The following NAALADL2 variants were observed in gnomAD, a reference collection of about 807,000 sequenced individuals.
NAALADL2 encodes N-acetylated alpha-linked acidic dipeptidase like 2.
NAALADL2 carries 76 observed loss-of-function variants against 87.2 expected under a neutral mutation model. That is an observed-to-expected ratio of 0.87 (90% confidence interval 0.72 to 1.05). The LOEUF (loss-of-function observed/expected upper bound fraction) is 1.05, where lower values mean the gene tolerates loss of function less well. Among genes scored for constraint, NAALADL2 ranks in the 50% least tolerant of loss-of-function variants. The probability of loss-of-function intolerance (pLI) is 0.00; values close to 1 mark genes in which losing one functional copy is unlikely to be tolerated. For synonymous variants in NAALADL2, 354 were observed against 331.0 expected, an observed-to-expected ratio of 1.07 and a Z score of -0.75; for missense variants, 1,089 against 945.8, an observed-to-expected ratio of 1.15 and a Z score of -1.99.
At chr3:174,990,437 A>G (rs943414067) in intron 1 of NAALADL2, among the ~76,000 whole-genome samples, 3 of 152,298 alleles carry the variant, frequency 2.0e-5, no homozygotes, top group Non-Finnish European at 2.9e-5. Flanking sequence ...GGTTTTCTAA[A>G]TCAATTCAGA....
At position 174,757,143 on chromosome 3, in the gene NAALADL2, G is replaced by C. The variant is rs142307302; in HGVS notation, c.-9+19397G>C. Among the ~76,000 whole-genome samples, 487 of 152,296 alleles carry C rather than the reference G, an allele frequency of 3.2e-3. 2 individuals are homozygous for C. Among genetic ancestry groups the C allele is most frequent in the Non-Finnish European group, 5.7e-3 (391 of 68,016 alleles). ...TTGATGTTAATATTGTTGTTAGTTA[G>C]CATCAACTGCCTTTGCTAAGCAGAA... is the stretch of plus-strand genomic sequence containing the variant. On this transcript the variant is annotated intron_variant, in intron 3 of 3. Transcript: ENST00000434257.
chr3:174,726,255 G>A (rs1025213898), intron 2 of NAALADL2, among the ~76,000 whole-genome samples: 9 of 151,756 alleles, frequency 5.9e-5, no homozygotes, highest in African/African-American at 2.2e-4. Context: ...GCGCTATGAT[G>A]AAAAAACACA....
chr3:174,471,947 C>G (rs1716935355), intron 1 of NAALADL2, among the ~76,000 whole-genome samples: 1 of 152,036 alleles, frequency 6.6e-6, no homozygotes. Flanking sequence ...ATCAGTGCTT[C>G]CTTTTATATG....
intron 1 of NAALADL2, among the ~76,000 whole-genome samples, chr3:174,995,173 T>C (rs1282865784): frequency 6.6e-6 from 1 of 151,026 alleles, no homozygotes; most frequent in Non-Finnish European, 1.5e-5. Flanking sequence ...CTTGAGACTA[T>C]ATAATTTGGT....
intron 2 of NAALADL2, among the ~76,000 whole-genome samples, chr3:175,155,868 G>C (rs150926469): frequency 6.6e-6 from 1 of 152,012 alleles, no homozygotes; most frequent in African/African-American, 2.4e-5. Flanking sequence ...CCCACGTAAC[G>C]GTAATGTCCA....
intron 11 of NAALADL2, among the ~76,000 whole-genome samples, chr3:175,704,303 C>T (rs989914906): frequency 1.3e-5 from 2 of 152,096 alleles, no homozygotes; most frequent in Non-Finnish European, 1.5e-5. Flanking sequence ...TCAGTACAAA[C>T]GTGGAAAGCC....
intron 2 of NAALADL2, among the ~76,000 whole-genome samples, chr3:175,145,208 C>T (rs1197308869): frequency 2.0e-5 from 3 of 152,002 alleles, no homozygotes; most frequent in African/African-American, 7.2e-5. Flanking sequence ...TTTGATGACT[C>T]ACATGGATCA....
intron 4 of NAALADL2, among the ~76,000 whole-genome samples, chr3:175,316,750 G>T (rs1759192747): frequency 6.6e-6 from 1 of 152,048 alleles, no homozygotes; most frequent in Non-Finnish European, 1.5e-5. Context: ...TATTTTTTCT[G>T]AACATTTTAG....
intron 2 of NAALADL2, among the ~76,000 whole-genome samples, chr3:175,121,182 T>A (rs756574082): frequency 4.6e-5 from 7 of 151,902 alleles, no homozygotes; most frequent in Admixed American, 1.3e-4. Context: ...ACTTTATGCT[T>A]GTTTGAGGGT....
At chr3:175,323,130 C>T (rs1265509989) in intron 4 of NAALADL2, among the ~76,000 whole-genome samples, 234 of 147,214 alleles carry the variant, frequency 1.6e-3, no homozygotes, top group African/African-American at 5.6e-3. Context: ...AAATGTGGCA[C>T]ATATACACCA....
At chr3:175,604,463 C>G (rs1297483351) in intron 10 of NAALADL2, among the ~76,000 whole-genome samples, 2 of 149,956 alleles carry the variant, frequency 1.3e-5, no homozygotes, top group Non-Finnish European at 1.5e-5. Flanking sequence ...ACCACCACGC[C>G]TGGCTAATTT....
chr3:174,847,370 A>G (rs887019341), intron 3 of NAALADL2, among the ~76,000 whole-genome samples: 4 of 152,220 alleles, frequency 2.6e-5, no homozygotes, highest in African/African-American at 7.2e-5. Context: ...ATGATATTAT[A>G]AAATGCCTGG....
At chr3:175,314,828 G>T (rs6797062) in intron 4 of NAALADL2, among the ~76,000 whole-genome samples, 75,214 of 148,538 alleles carry the variant, frequency 0.51, 20,952 homozygotes, top group African/African-American at 0.74. Flanking sequence ...ACCATATACA[G>T]TATGTTTTTC....
chr3:175,557,191 C>T (rs1266389858), intron 9 of NAALADL2, among the ~76,000 whole-genome samples: 1 of 152,164 alleles, frequency 6.6e-6, no homozygotes, highest in Non-Finnish European at 1.5e-5. Flanking sequence ...AATACATGCT[C>T]ATTATGTTTC....
intron 2 of NAALADL2, among the ~76,000 whole-genome samples, chr3:174,576,379 TGA>T (rs1161467259): frequency 6.6e-6 from 1 of 152,186 alleles, no homozygotes; most frequent in Non-Finnish European, 1.5e-5. Flanking sequence ...TAAATCACTA[TGA>T]GGGGACTATA....
intron 10 of NAALADL2, among the ~76,000 whole-genome samples, chr3:175,584,163 G>GTAATCCC (rs1451129624): frequency 6.6e-6 from 1 of 151,662 alleles, no homozygotes; most frequent in African/African-American, 2.4e-5. Context: ...TCAGCCTCCT[G>GTAATCCC]AGTAACTGGG....
intron 3 of NAALADL2, among the ~76,000 whole-genome samples, chr3:174,777,708 A>G (rs1170566320): frequency 6.6e-6 from 1 of 152,112 alleles, no homozygotes; most frequent in African/African-American, 2.4e-5. Context: ...ATGACTTAAA[A>G]GAAATGAAAA....
chr3:175,257,006 C>T (rs534411262), intron 4 of NAALADL2: 2 of 152,026 alleles, frequency 1.3e-5, no homozygotes, highest in African/African-American at 4.8e-5. Flanking sequence ...ACTACAGTTA[C>T]TAACTGTGAT....
At chr3:175,360,615 A>G (rs1194429503) in intron 5 of NAALADL2, among the ~76,000 whole-genome samples, 1 of 152,002 alleles carries the variant, frequency 6.6e-6, no homozygotes, top group Non-Finnish European at 1.5e-5. Flanking sequence ...TTGGCTTGTT[A>G]TTTGGCTAGG....
Sources: gnomAD v4.1 joint callset for allele counts (sites outside exome capture counted in the v4.1 genomes callset) on GRCh38, gnomAD v4.1.1 for gene constraint, MANE v1.5 for transcripts, NCBI Gene and HGNC (gene_info 2026-07-23, HGNC 2026-07-21) for gene names.